The following EVC variants were observed in gnomAD, a reference collection of about 807,000 sequenced individuals.
The protein encoded by EVC is evC complex member EVC.
EVC carries 116 observed loss-of-function variants against 118.9 expected under a neutral mutation model. The ratio of observed to expected loss-of-function variants is 0.98; its 90% CI spans 0.84 to 1.14. The LOEUF is 1.14. Among genes scored for constraint, EVC ranks in the 50% most tolerant of loss-of-function variants. The pLI is 0.00. For missense variants in EVC, 1,401 were observed against 1,246.4 expected, an observed-to-expected ratio of 1.12 and a Z score of -1.87; for synonymous variants, 619 against 534.7, an observed-to-expected ratio of 1.16 and a Z score of -2.18.
At position 5,801,927 on chromosome 4, in the gene EVC, C is replaced by G. The variant is rs768788708; in HGVS notation, c.2305-23C>G. On this transcript the variant is annotated intron_variant, in intron 15 of 20. Transcript: ENST00000264956. ...CCCACGTGTGACTTCTCTGCTGTCC[C>G]TGTCCTTCCTTTCTTCCCTCAGAGG... The G allele has an allele frequency of 1.1e-5, 17 of 1,611,554 alleles. 1 individual carries two copies. In the South Asian group the frequency reaches 1.9e-4, roughly 18 times the overall value.
At chr4:5,815,607 A>C (rs1385029653), downstream of EVC, among the ~76,000 whole-genome samples, 1 of 152,170 alleles carries the variant, frequency 6.6e-6, no homozygotes, top group African/African-American at 2.4e-5. Context: ...GAGAAGAATA[A>C]AAGAGAGAGG....
intron 14 of EVC, 44 bp downstream of exon 14, chr4:5,797,276 C>T: frequency 6.7e-7 from 1 of 1,490,554 alleles, no homozygotes; most frequent in Non-Finnish European, 9.2e-7. Flanking sequence ...ACAGGCGGTG[C>T]CCCTGCAGCA....
At position 5,802,103 on chromosome 4, in the gene EVC, C is replaced by T. The variant is rs1577639266; in HGVS notation, c.2449+9C>T. The T allele has an allele frequency of 2.8e-6, 2 of 713,266 alleles. No individual in the cohort carries two copies. The highest frequency in any genetic ancestry group is 3.8e-6 in the Non-Finnish European group (2 of 528,318). The allele number at this position is 713,266 out of a possible 1,614,324, so 44.2% of individuals were successfully genotyped here. On this transcript the variant is annotated intron_variant, in intron 16 of 20. Coordinates refer to ENST00000264956, the MANE Select transcript of EVC (RefSeq NM_153717.3). Reference sequence around the variant, plus strand: ...CCTGAAGACCCTGCAGGGTACGGGACCCCCCCTCAGGGAAGCCCCAGAAGA... The same window carrying T: ...CCTGAAGACCCTGCAGGGTACGGGATCCCCCCTCAGGGAAGCCCCAGAAGA...
intron 9 of EVC, 74 bp downstream of exon 9, chr4:5,753,126 C>T: frequency 7.3e-7 from 1 of 1,374,140 alleles, no homozygotes. Context: ...AGTGAGAGGG[C>T]TGGCAGCCTG....
rs1359522467 is a variant in EVC at position 5,711,438 on chromosome 4, G to C, written c.58G>C (p.Ala20Pro). 8 of 1,023,622 alleles carry C rather than the reference G, an allele frequency of 7.8e-6. No individual in the cohort carries two copies. Among genetic ancestry groups the C allele is most frequent in the Non-Finnish European group, 9.3e-6 (8 of 857,932 alleles). 63.4% of individuals were successfully genotyped at this position (1,023,622 alleles called of 1,614,324 possible). ...CGCGCGGCTGCTGCTGGGGCGGGAC[G>C]CGCTGCGGCCGGCGCCCGCCCTGCT... ...SDARLLLGRD[A>P]LRPAPALLAP... Residue 20 changes from alanine (A) to proline (P), a missense_variant, in exon 1 of 21, where the codon GCG (alanine) becomes CCG (proline). Coordinates refer to ENST00000264956, the MANE Select transcript of EVC (RefSeq NM_153717.3).
At chr4:5,790,304 T>C (rs1712540437) in intron 12 of EVC, among the ~76,000 whole-genome samples, 2 of 152,230 alleles carry the variant, frequency 1.3e-5, no homozygotes, top group Non-Finnish European at 1.5e-5. Context: ...GTTAATGAAA[T>C]GTTCCAGATA....
chr4:5,828,026 A>T, the EVC span: 10 of 985,132 alleles, frequency 1.0e-5, no homozygotes, highest in Non-Finnish European at 1.1e-5. Context: ...GAAAGGGCGG[A>T]TCTGAAGGAA....
chr4:5,823,874 A>C, the EVC span, among the ~76,000 whole-genome samples: 1 of 152,240 alleles, frequency 6.6e-6, no homozygotes, highest in Non-Finnish European at 1.5e-5. Context: ...CTCATGGTAC[A>C]GCTCTATAAC....
chr4:5,760,128 T>C (rs1166687555), intron 11 of EVC, among the ~76,000 whole-genome samples: 1 of 152,100 alleles, frequency 6.6e-6, no homozygotes, highest in Admixed American at 6.5e-5. Flanking sequence ...TGTGAATAGA[T>C]GGGAGGCAGG....
At chr4:5,800,266 A>G (rs550508981) in intron 15 of EVC, among the ~76,000 whole-genome samples, 2 of 152,174 alleles carry the variant, frequency 1.3e-5, no homozygotes, top group African/African-American at 2.4e-5. Flanking sequence ...ACTCACTTGA[A>G]TCTGGGAGGC....
At chr4:5,818,929 A>G (rs1456005297), downstream of EVC, among the ~76,000 whole-genome samples, 2 of 152,190 alleles carry the variant, frequency 1.3e-5, no homozygotes, top group African/African-American at 4.8e-5. Context: ...AGGGCTTTCT[A>G]CCCCACCCAC....
chr4:5,816,258 C>T (rs1036834140), downstream of EVC, among the ~76,000 whole-genome samples: 1 of 152,146 alleles, frequency 6.6e-6, no homozygotes, highest in Admixed American at 6.5e-5. Context: ...TCTTCATCCG[C>T]CTTGTTCTGG....
chr4:5,745,676 C>CTCTT (rs1230074217), intron 7 of EVC, among the ~76,000 whole-genome samples: 1 of 152,194 alleles, frequency 6.6e-6, no homozygotes, highest in Non-Finnish European at 1.5e-5. Flanking sequence ...CTAGGCATCA[C>CTCTT]TCGTGAAAGC....
intron 15 of EVC, among the ~76,000 whole-genome samples, chr4:5,799,434 T>C (rs184938227): frequency 6.6e-6 from 1 of 152,334 alleles, no homozygotes; most frequent in East Asian, 1.9e-4. Context: ...TTTCTTCCCG[T>C]TGGGAAAAAG....
intron 13 of EVC, among the ~76,000 whole-genome samples, chr4:5,796,301 T>A (rs189653853): frequency 6.6e-6 from 1 of 152,328 alleles, no homozygotes; most frequent in Non-Finnish European, 1.5e-5. Context: ...TCTGTTTTTC[T>A]CTTTATTTTT....
At chr4:5,804,349 C>T (rs1330158443) in intron 16 of EVC, among the ~76,000 whole-genome samples, 1 of 152,190 alleles carries the variant, frequency 6.6e-6, no homozygotes, top group Non-Finnish European at 1.5e-5. Context: ...GACTTCCTAG[C>T]TCCTTGGAGA....
intron 15 of EVC, among the ~76,000 whole-genome samples, chr4:5,800,533 C>G (rs1437370206): frequency 6.6e-6 from 1 of 151,972 alleles, no homozygotes; most frequent in African/African-American, 2.4e-5. Context: ...GATGGAGGGC[C>G]TGGTGAAGGG....
At chr4:5,827,669 TACAC>T in the EVC span, among the ~76,000 whole-genome samples, 1 of 150,942 alleles carries the variant, frequency 6.6e-6, no homozygotes, top group African/African-American at 2.5e-5. Context: ...TATGCACACA[TACAC>T]ACGTGCATGC....
the EVC span, among the ~76,000 whole-genome samples, chr4:5,820,283 C>T: frequency 2.0e-5 from 3 of 152,082 alleles, no homozygotes; most frequent in Non-Finnish European, 2.9e-5. Context: ...TCACCACTAT[C>T]GTCACCATCA....
Sources: gnomAD v4.1 joint callset for allele counts (sites outside exome capture counted in the v4.1 genomes callset) on GRCh38, gnomAD v4.1.1 for gene constraint, MANE v1.5 for transcripts, NCBI Gene and HGNC (gene_info 2026-07-23, HGNC 2026-07-21) for gene names.